VASH2: variants seen among roughly 807,000 people sequenced by gnomAD.
The protein encoded by VASH2 is vasohibin 2.
In VASH2, 28 loss-of-function variants were observed where a neutral mutation model predicts 37.2. That is an observed-to-expected ratio of 0.75 (90% CI 0.56 to 1.03). The LOEUF (loss-of-function observed/expected upper bound fraction) is 1.03. Ranked by LOEUF, VASH2 falls within the 50% of genes least tolerant of loss-of-function variation. The pLI, the probability that VASH2 is intolerant of heterozygous loss-of-function variation, is 0.00. For synonymous variants in VASH2, 188 were observed against 174.7 expected, an observed-to-expected ratio of 1.08 and a Z score of -0.60; for missense variants, 419 against 459.1, an observed-to-expected ratio of 0.91 and a Z score of 0.80.
intron 2 of VASH2, among the ~76,000 whole-genome samples, chr1:212,957,084 G>A (rs1353077831): frequency 1.3e-5 from 2 of 152,266 alleles, no homozygotes; most frequent in African/African-American, 4.8e-5. Context: ...CTATGACTTT[G>A]ACTACTCTGG....
At position 212,989,824 on chromosome 1, in the gene VASH2, G is replaced by A. The variant is rs1272678871; in HGVS notation, c.*1240G>A. 30 of 152,000 alleles carry A rather than the reference G, an allele frequency of 2.0e-4. 1 individual carries two copies. The highest frequency in any genetic ancestry group is 1.8e-3 in the Admixed American group (28 of 15,262). 9.4% of individuals were successfully genotyped at this position (152,000 alleles called of 1,614,324 possible). On this transcript the variant is annotated 3_prime_UTR_variant, in exon 8 of 8. Coordinates refer to ENST00000517399, the MANE Select transcript of VASH2 (RefSeq NM_001301056.2). ...AGAATGAATGTCTGGCCTGCATATG[G>A]TAGTTACAGTGTAACCTCTGGCTGC...
intron 7 of VASH2, among the ~76,000 whole-genome samples, chr1:212,979,758 C>T (rs1294997269): frequency 6.6e-6 from 1 of 152,198 alleles, no homozygotes. Context: ...CTTCCACCCA[C>T]GGGTCCTTTC....
At chr1:212,977,960 AAC>A (rs1488520289) in intron 7 of VASH2, among the ~76,000 whole-genome samples, 1 of 152,230 alleles carries the variant, frequency 6.6e-6, no homozygotes. Context: ...CCTGAAAAAT[AAC>A]AGTCACTGGC....
rs947587636 is a variant in VASH2, at chr1:212,989,930, T to G, written c.*1346T>G. The G allele has an allele frequency of 6.6e-6, 1 of 152,186 alleles. No individual in the cohort carries two copies. The highest frequency in any genetic ancestry group is 2.4e-5 in the African/African-American group (1 of 41,430). The allele number at this position is 152,186 out of a possible 1,614,324, so 9.4% of individuals were successfully genotyped here. On this transcript the variant is annotated 3_prime_UTR_variant, in exon 8 of 8. Transcript: ENST00000517399. The stretch of plus-strand genomic sequence containing the variant: ...TACAGCTTCAATTTCATTTGCTTTA[T>G]CTTAGCAACAATGCCAACTCAGGAG...
intron 4 of VASH2, 54 bp downstream of exon 4, chr1:212,965,832 C>G: frequency 6.7e-7 from 1 of 1,484,868 alleles, no homozygotes; most frequent in Non-Finnish European, 9.2e-7. Flanking sequence ...ATTCGAGCTG[C>G]CAGCTTCCTC....
chr1:212,951,641 C>G lies in VASH2; in HGVS notation c.99C>G (p.Ala33=), dbSNP rs1369765402. 6.3e-7 allele frequency: 1 copy of G among 1,580,792 alleles called. No homozygotes were observed. Among genetic ancestry groups the G allele is most frequent in the South Asian group, 1.2e-5 (1 of 86,270 alleles). ...RSSHARPVSL[A]TSGGSEEEDK... ...GCCACGCGCGGCCCGTGAGCCTCGCCACCAGCGGGGGCTCAGAGGAGGAGG... is the reference window on the plus strand; with the variant it reads ...GCCACGCGCGGCCCGTGAGCCTCGCGACCAGCGGGGGCTCAGAGGAGGAGG... The change falls in exon 2 of 8, where the codon GCC becomes GCG. Residue 33 remains alanine, a synonymous_variant. Transcript: ENST00000517399. The surrounding 1 kb of genome is among the most constrained non-coding windows in gnomAD (Gnocchi z 4.4).
In VASH2 at chr1:212,974,054, G is replaced by C. The variant is rs199687294; in HGVS notation, c.979G>C (p.Gly327Arg). Residue 327 changes from glycine (G) to arginine (R), a missense_variant, in exon 7 of 8, where the codon GGC becomes CGC. Around this residue, in one of 3 missense-constraint regions of VASH2, gnomAD observed 177 missense variants for 166.2 expected, o/e 1.06. Coordinates refer to ENST00000517399, the MANE Select transcript of VASH2 (RefSeq NM_001301056.2). ...RRQASPPRRL[G>R]RREKSPALPE... is the part of the protein sequence containing the mutation. ...ACAGGCAAGCCCCCCGAGGAGGCTC[G>C]GCCGGCGAGAGAAGTCGTGAGTAAT... The C allele has an allele frequency of 6.2e-7, 1 of 1,612,774 alleles. No individual in the cohort carries two copies. Among genetic ancestry groups the C allele is most frequent in the African/African-American group, 1.3e-5 (1 of 74,854 alleles).
intron 2 of VASH2, among the ~76,000 whole-genome samples, chr1:212,953,391 G>A (rs1416830019): frequency 1.3e-5 from 2 of 152,144 alleles, no homozygotes; most frequent in Non-Finnish European, 2.9e-5. Flanking sequence ...GGCCAGAGTC[G>A]ATTGTTAGGA....
intron 7 of VASH2, among the ~76,000 whole-genome samples, chr1:212,976,240 G>C (rs2102649894): frequency 6.6e-6 from 1 of 152,256 alleles, no homozygotes; most frequent in African/African-American, 2.4e-5. Context: ...ACTTAGAATT[G>C]CCAGTTGAAA....
intron 4 of VASH2, 66 bp downstream of exon 4, chr1:212,965,844 C>T: frequency 1.4e-6 from 2 of 1,443,578 alleles, no homozygotes. Flanking sequence ...AGCTTCCTCT[C>T]CCAACCTCTA....
In VASH2 at chr1:212,967,232, A is replaced by T. The variant is rs766250599; in HGVS notation, c.497+887A>T. ...GCAGAGAAACTGTGATGGCATCGAC[A>T]TATTGGTGGTGATGACCACCTCCCT... On this transcript the variant is annotated intron_variant, in intron 5 of 7. Coordinates refer to ENST00000517399, the MANE Select transcript of VASH2 (RefSeq NM_001301056.2). 6.2e-5 allele frequency: 81 copies of T among 1,299,520 alleles called. No individual in the cohort carries two copies. The Middle Eastern group carries it at 7.7e-4, about 12-fold the overall frequency. The allele number at this position is 1,299,520 out of a possible 1,614,324, so 80.5% of individuals were successfully genotyped here.
At chr1:212,968,535 A>G (rs1320671470) in intron 5 of VASH2, 3 of 985,516 alleles carry the variant, frequency 3.0e-6, no homozygotes, top group Non-Finnish European at 3.6e-6. Flanking sequence ...GATTGACCAC[A>G]GGTGCCTTGG....
At chr1:212,969,194 CT>C (rs35147263) in intron 5 of VASH2, 363,862 of 883,312 alleles carry the variant, frequency 0.41, 12,696 homozygotes, top group Admixed American at 0.51. Context: ...AATTCTTCTT[CT>C]TTTTTTTTTT....
chr1:212,983,797 G>A (rs79643410), intron 7 of VASH2, among the ~76,000 whole-genome samples: 1,621 of 152,324 alleles, frequency 0.011, 32 homozygotes, highest in African/African-American at 0.035. Context: ...GGCAGGAGTG[G>A]CCATGGTGTC....
At chr1:212,966,163 C>A in intron 4 of VASH2, 108 bp from the exon 5 acceptor site, 1 of 941,964 alleles carries the variant, frequency 1.1e-6, no homozygotes, top group Non-Finnish European at 1.7e-6. Context: ...TCCCTCCGTG[C>A]TCCTGTGTGG....
rs918939055 is a variant in VASH2, at chr1:212,971,729, G to A, written c.498-851G>A. 5.9e-5 allele frequency among the ~76,000 whole-genome samples: 9 copies of A among 152,006 alleles called. No homozygotes were observed. Among genetic ancestry groups the A allele is most frequent in the African/African-American group, 1.7e-4 (7 of 41,398 alleles). On this transcript the variant is annotated intron_variant, in intron 5 of 7. Transcript: ENST00000517399. This position sits in a 1 kb window ranked among gnomAD's most constrained non-coding sequence, Gnocchi z 4.0. The stretch of plus-strand genomic sequence containing the variant: ...ACCGAGAGCAGAGGACAAGGCTGCC[G>A]CCAGTGCTGTGGATGGATTCTGTCA...
intron 6 of VASH2, 126 bp from the exon 7 acceptor site, chr1:212,973,829 C>A: frequency 7.0e-7 from 1 of 1,437,576 alleles, no homozygotes; most frequent in South Asian, 1.5e-5. Flanking sequence ...AGAAGTCTTC[C>A]TGCTCAATGC....
intron 6 of VASH2, chr1:212,973,594 G>A: frequency 8.0e-7 from 1 of 1,247,022 alleles, no homozygotes; most frequent in Non-Finnish European, 1.0e-6. Flanking sequence ...AGAACAGGCT[G>A]GTTTCTGAGG....
chr1:212,957,878 G>A (rs1436581006), intron 2 of VASH2, among the ~76,000 whole-genome samples: 2 of 152,146 alleles, frequency 1.3e-5, no homozygotes, highest in African/African-American at 4.8e-5. Flanking sequence ...GGGACTACAC[G>A]TGTGAGCCAC....
Sources: allele counts gnomAD v4.1 joint callset (sites outside exome capture counted in the v4.1 genomes callset), GRCh38; gene constraint gnomAD v4.1.1; regional missense constraint gnomAD v4.1.1; non-coding constraint Gnocchi (gnomAD v3.1); transcripts MANE v1.5; gene names NCBI Gene and HGNC (gene_info 2026-07-23, HGNC 2026-07-21).